RBPMS: variants seen among roughly 807,000 people sequenced by gnomAD.
The protein encoded by RBPMS is RNA-binding protein with multiple splicing.
RBPMS carries 7 observed loss-of-function variants against 26.8 expected under a neutral mutation model. The ratio of observed to expected loss-of-function variants is 0.26; its 90% CI spans 0.15 to 0.49. The LOEUF (loss-of-function observed/expected upper bound fraction) is 0.49. Ranked by LOEUF, RBPMS falls within the 20% of genes least tolerant of loss-of-function variation. RBPMS has a pLI of 0.98. For missense variants in RBPMS, 186 were observed against 250.0 expected (o/e 0.74, Z 1.73); for synonymous variants, 96 against 93.3 (o/e 1.03, Z -0.17).
At chr8:30,517,380 G>A (rs1054595193) in intron 5 of RBPMS, among the ~76,000 whole-genome samples, 6 of 152,058 alleles carry the variant, frequency 3.9e-5, no homozygotes, top group African/African-American at 7.2e-5. Context: ...TCTGTGCTTC[G>A]TGTAGCCACT....
intron 1 of RBPMS, among the ~76,000 whole-genome samples, chr8:30,439,158 G>A (rs1812798336): frequency 6.6e-6 from 1 of 152,160 alleles, no homozygotes; most frequent in Admixed American, 6.6e-5. Flanking sequence ...TTGTTATTTT[G>A]TTCTTATTTG....
intron 5 of RBPMS, among the ~76,000 whole-genome samples, chr8:30,511,512 T>A (rs1332444495): frequency 2.0e-4 from 2 of 9,804 alleles, no homozygotes; most frequent in South Asian, 0.01. Flanking sequence ...TATATATATA[T>A]ATATATATAT....
At chr8:30,555,229 A>G (rs1340964924) in intron 6 of RBPMS, among the ~76,000 whole-genome samples, 1 of 152,078 alleles carries the variant, frequency 6.6e-6, no homozygotes. Flanking sequence ...CTGGAGACTT[A>G]CAGTGTTAGC....
At chr8:30,525,520 C>A (rs911193677) in intron 5 of RBPMS, among the ~76,000 whole-genome samples, 1 of 152,194 alleles carries the variant, frequency 6.6e-6, no homozygotes, top group Admixed American at 6.5e-5. Flanking sequence ...CACTGGCTTC[C>A]TCTCTGAAGT....
chr8:30,503,007 T>A (rs1820718399), intron 4 of RBPMS, among the ~76,000 whole-genome samples: 1 of 144,330 alleles, frequency 6.9e-6, no homozygotes, highest in South Asian at 2.4e-4. Flanking sequence ...TGCCCTCAGT[T>A]GGTTTCTTCT....
rs149499598 is a variant in RBPMS, at chr8:30,474,649, A to G, written c.67-130A>G. On this transcript the variant is annotated intron_variant, in intron 1 of 8. Coordinates refer to ENST00000397323, the MANE Select transcript of RBPMS (RefSeq NM_001008710.3). ...ATCTTAACAGTGAAGTATTCGTTGT[A>G]TCATGGAAAGAGCATGAATTTAGTA... is the stretch of plus-strand genomic sequence containing the variant. 1.1e-3 allele frequency: 672 copies of G among 633,306 alleles called. 4 individuals are homozygous for G. The East Asian group carries it at 0.016, about 15-fold the overall frequency. The allele number at this position is 633,306 out of a possible 1,614,324, so 39.2% of individuals were successfully genotyped here. A position where few individuals can be genotyped will look rare whatever the true frequency, so the allele number is the denominator to read the frequency against.
rs1241428269 is a variant in RBPMS, at chr8:30,419,082, AC to A, written c.66+33925del. Among the ~76,000 whole-genome samples the A allele has an allele frequency of 1.9e-4, 29 of 151,576 alleles. No homozygotes were observed. In the South Asian group the frequency reaches 6.0e-3, roughly 31 times the overall value. The stretch of plus-strand genomic sequence containing the variant: ...ATTATCAGTTGAAAAAAAAAAAAAA[AC>A]AGAACTAATAAACTTCAGTAAGATG... On this transcript the variant is annotated intron_variant, in intron 1 of 8. Transcript: ENST00000397323.
In RBPMS at chr8:30,499,870, C is replaced by CTGTG. The variant is rs10543546; in HGVS notation, c.247-4382_247-4379dup. On this transcript the variant is annotated intron_variant, in intron 4 of 8. Coordinates refer to ENST00000397323, the MANE Select transcript of RBPMS (RefSeq NM_001008710.3). ...TTACTTTTAATCAGTTCAGGGGAAA[C>CTGTG]TGTGTGTGTGTGTGTGTGTGTGTGT... Among the ~76,000 whole-genome samples, 731 of 150,296 alleles carry CTGTG rather than the reference C, an allele frequency of 4.9e-3. 3 individuals carry two copies. Among genetic ancestry groups the CTGTG allele is most frequent in the South Asian group, 0.017 (78 of 4,694 alleles).
intron 5 of RBPMS, among the ~76,000 whole-genome samples, chr8:30,526,247 C>A (rs1463027448): frequency 1.3e-5 from 2 of 152,230 alleles, no homozygotes; most frequent in African/African-American, 4.8e-5. Flanking sequence ...ATTCGCTTTG[C>A]CTTCAGGCTT....
intron 5 of RBPMS, among the ~76,000 whole-genome samples, chr8:30,521,572 T>G (rs1823028256): frequency 6.6e-6 from 1 of 152,174 alleles, no homozygotes; most frequent in Non-Finnish European, 1.5e-5. Flanking sequence ...TCAGTTAGGG[T>G]TATTATCGTA....
intron 4 of RBPMS, 109 bp downstream of exon 4, chr8:30,479,486 AG>A: frequency 1.2e-6 from 1 of 806,326 alleles, no homozygotes; most frequent in Non-Finnish European, 2.1e-6. Flanking sequence ...GCACAGTCTA[AG>A]AGGGAGGGAT....
At chr8:30,475,021 CTT>C (rs1817539985) in intron 2 of RBPMS, among the ~76,000 whole-genome samples, 165 bp downstream of exon 2, 2 of 152,174 alleles carry the variant, frequency 1.3e-5, no homozygotes, top group South Asian at 4.1e-4. Flanking sequence ...TACAGTCTCA[CTT>C]AGGATAATTA....
At chr8:30,540,624 A>C (rs150877947) in intron 5 of RBPMS, among the ~76,000 whole-genome samples, 1 of 152,044 alleles carries the variant, frequency 6.6e-6, no homozygotes, top group East Asian at 1.9e-4. Flanking sequence ...GGGTCTCGCT[A>C]TGTTGCCCAA....
At chr8:30,547,587 C>A in intron 6 of RBPMS, 1 of 1,055,176 alleles carries the variant, frequency 9.5e-7, no homozygotes, top group Non-Finnish European at 1.3e-6. Context: ...TACTCTCTGA[C>A]TGAGGTTTTG....
intron 4 of RBPMS, among the ~76,000 whole-genome samples, chr8:30,498,550 T>A (rs1820220340): frequency 6.6e-6 from 1 of 152,104 alleles, no homozygotes; most frequent in African/African-American, 2.4e-5. Context: ...ACAACCACAC[T>A]GAAGGTGGGG....
Position 30,411,641 on chromosome 8 carries a change from G to C in RBPMS, c.66+26483G>C, listed in dbSNP as rs1292694461. On this transcript the variant is annotated intron_variant, in intron 1 of 8. Transcript: ENST00000397323. Reference sequence around the variant, plus strand: ...GATTGCACCACTGCACTCCAGCCTGGGTGACAGCAAGACCCTGTCTCAGAA... The same window carrying C: ...GATTGCACCACTGCACTCCAGCCTGCGTGACAGCAAGACCCTGTCTCAGAA... 1.2e-4 allele frequency among the ~76,000 whole-genome samples: 17 copies of C among 136,816 alleles called. 2 individuals carry two copies. The South Asian group carries it at 3.8e-3, about 31-fold the overall frequency. 89.8% of individuals were successfully genotyped at this position (136,816 alleles called of 152,430 possible).
At chr8:30,491,732 C>T (rs954976493) in intron 4 of RBPMS, among the ~76,000 whole-genome samples, 6 of 151,944 alleles carry the variant, frequency 3.9e-5, no homozygotes, top group Admixed American at 2.6e-4. Flanking sequence ...CTTTGCAGAA[C>T]GATCCTTAAA....
chr8:30,413,699 G>A (rs1045995542), intron 1 of RBPMS, among the ~76,000 whole-genome samples: 8 of 151,614 alleles, frequency 5.3e-5, no homozygotes, highest in East Asian at 2.0e-4. Flanking sequence ...TGCAACCTCC[G>A]CCTCCCCAGG....
At chr8:30,478,131 G>GT (rs1817888320) in intron 3 of RBPMS, among the ~76,000 whole-genome samples, 1 of 152,146 alleles carries the variant, frequency 6.6e-6, no homozygotes, top group South Asian at 2.1e-4. Context: ...TTATTCCCAA[G>GT]TCTTTCCCAT....
Sources: allele counts gnomAD v4.1 joint callset (sites outside exome capture counted in the v4.1 genomes callset), GRCh38; gene constraint gnomAD v4.1.1; transcripts MANE v1.5; gene names NCBI Gene and HGNC (gene_info 2026-07-23, HGNC 2026-07-21).